The following GULP1 variants were observed in gnomAD, a reference collection of about 807,000 sequenced individuals.
The protein encoded by GULP1 is GULP PTB domain containing engulfment adaptor 1.
A neutral mutation model predicts 40.9 loss-of-function variants in GULP1; 19 were observed. The ratio of observed to expected loss-of-function variants is 0.46; its 90% CI spans 0.32 to 0.68. The LOEUF is 0.68. Among genes scored for constraint, GULP1 ranks in the 30% least tolerant of loss-of-function variants. The probability of loss-of-function intolerance (pLI) is 0.03; values close to 1 mark genes in which losing one functional copy is unlikely to be tolerated. For synonymous variants in GULP1, 119 were observed against 117.6 expected (o/e 1.01, Z -0.08); for missense variants, 312 against 362.2 (o/e 0.86, Z 1.12).
At chr2:188,561,069 T>C (rs1261007950) in intron 7 of GULP1, among the ~76,000 whole-genome samples, 1 of 152,162 alleles carries the variant, frequency 6.6e-6, no homozygotes, top group Non-Finnish European at 1.5e-5. Context: ...GCCATTTCCT[T>C]GGAGGGTTAG....
At chr2:188,320,495 A>G (rs2039804743) in intron 1 of GULP1, among the ~76,000 whole-genome samples, 1 of 152,172 alleles carries the variant, frequency 6.6e-6, no homozygotes, top group Non-Finnish European at 1.5e-5. Context: ...GTAACCTGGT[A>G]TAAGACCTTC....
intron 1 of GULP1, among the ~76,000 whole-genome samples, chr2:188,326,155 C>T (rs2040730222): frequency 6.6e-6 from 1 of 152,066 alleles, no homozygotes; most frequent in African/African-American, 2.4e-5. Context: ...GGATCAGAAC[C>T]TAGCTCACCT....
At chr2:188,539,333 A>G (rs1689823456) in intron 6 of GULP1, among the ~76,000 whole-genome samples, 1 of 152,124 alleles carries the variant, frequency 6.6e-6, no homozygotes, top group South Asian at 2.1e-4. Context: ...ACCTCCTGTC[A>G]GTATTTGGGA....
At chr2:188,460,858 G>A (rs1296374463) in intron 2 of GULP1, among the ~76,000 whole-genome samples, 1 of 152,036 alleles carries the variant, frequency 6.6e-6, no homozygotes, top group Non-Finnish European at 1.5e-5. Flanking sequence ...TTTATCGTGA[G>A]GGGATGTTGA....
At chr2:188,415,431 A>C (rs1299776298) in intron 2 of GULP1, among the ~76,000 whole-genome samples, 9 of 152,072 alleles carry the variant, frequency 5.9e-5, no homozygotes, top group African/African-American at 1.9e-4. Context: ...GTTTAATGGT[A>C]ATTCCTGGGG....
chr2:188,404,636 G>A (rs1315789105), intron 2 of GULP1, among the ~76,000 whole-genome samples: 2 of 152,110 alleles, frequency 1.3e-5, no homozygotes, highest in African/African-American at 2.4e-5. Context: ...TTGCCAAGGG[G>A]ACTTTATCTC....
At chr2:188,552,998 T>C (rs550113173) in intron 7 of GULP1, among the ~76,000 whole-genome samples, 20 of 151,930 alleles carry the variant, frequency 1.3e-4, no homozygotes, top group Non-Finnish European at 2.5e-4. Context: ...AGCTACATCA[T>C]TGGTATACAG....
At chr2:188,554,726 T>G (rs1694322387) in intron 7 of GULP1, among the ~76,000 whole-genome samples, 1 of 152,068 alleles carries the variant, frequency 6.6e-6, no homozygotes, top group Admixed American at 6.5e-5. Context: ...TATCTAGTAC[T>G]GACAATGGGG....
intron 4 of GULP1, among the ~76,000 whole-genome samples, chr2:188,516,488 T>C (rs1340811263): frequency 6.6e-6 from 1 of 152,170 alleles, no homozygotes; most frequent in Non-Finnish European, 1.5e-5. Context: ...CTCATTAATA[T>C]AACATTGAGT....
At chr2:188,317,029 C>T (rs138545451) in intron 1 of GULP1, among the ~76,000 whole-genome samples, 2 of 152,080 alleles carry the variant, frequency 1.3e-5, no homozygotes, top group South Asian at 4.1e-4. Flanking sequence ...GGGAGAGGGC[C>T]ACACCTGCAC....
chr2:188,363,362 G>A (rs1301780482), intron 1 of GULP1, among the ~76,000 whole-genome samples: 1 of 152,068 alleles, frequency 6.6e-6, no homozygotes, highest in Non-Finnish European at 1.5e-5. Context: ...ACTAGCAAAA[G>A]CAATGGCTGT....
intron 1 of GULP1, among the ~76,000 whole-genome samples, chr2:188,349,745 G>T (rs2044188443): frequency 6.6e-6 from 1 of 151,966 alleles, no homozygotes; most frequent in African/African-American, 2.4e-5. Flanking sequence ...TTATTTTATT[G>T]TTTTTCTGTT....
At position 188,494,997 on chromosome 2, in the gene GULP1, G is replaced by A. The variant is rs116809765; in HGVS notation, c.90+11505G>A. Among the ~76,000 whole-genome samples, 888 of 152,038 alleles carry A rather than the reference G, an allele frequency of 5.8e-3. 12 individuals carry two copies. The highest frequency in any genetic ancestry group is 0.021 in the African/African-American group (857 of 41,488). On this transcript the variant is annotated intron_variant, in intron 4 of 11. Coordinates refer to ENST00000409830, the MANE Select transcript of GULP1 (RefSeq NM_016315.4). ...AATCACTGACTCAAGGGTTTTTGTG[G>A]TATCCTGTGCTTAACCACCCTGTCC...
chr2:188,383,531 C>T (rs888773352), intron 1 of GULP1, among the ~76,000 whole-genome samples: 2 of 152,198 alleles, frequency 1.3e-5, no homozygotes, highest in Non-Finnish European at 2.9e-5. Flanking sequence ...TGAGTTAAAA[C>T]ATTTAACACA....
intron 1 of GULP1, among the ~76,000 whole-genome samples, chr2:188,305,547 G>C (rs891418322): frequency 2.6e-5 from 4 of 152,176 alleles, no homozygotes; most frequent in African/African-American, 9.7e-5. Flanking sequence ...GCAGGTAAAG[G>C]AAGGACAGGA....
chr2:188,468,816 T>A (rs2060343697), intron 2 of GULP1, among the ~76,000 whole-genome samples: 1 of 152,164 alleles, frequency 6.6e-6, no homozygotes, highest in Admixed American at 6.6e-5. Flanking sequence ...TTGGAAAGGA[T>A]GTTTGCAACG....
intron 2 of GULP1, among the ~76,000 whole-genome samples, chr2:188,435,961 A>G (rs113809158): frequency 2.6e-5 from 4 of 152,238 alleles, no homozygotes; most frequent in South Asian, 2.1e-4. Context: ...AGCCAGGTCT[A>G]CGCATGTTAA....
intron 1 of GULP1, among the ~76,000 whole-genome samples, chr2:188,369,269 A>C (rs900012785): frequency 3.3e-5 from 5 of 151,862 alleles, no homozygotes; most frequent in African/African-American, 1.2e-4. Context: ...CTGTAAAAAA[A>C]ATATTTTTAC....
chr2:188,378,457 G>C (rs2048583506), intron 1 of GULP1, among the ~76,000 whole-genome samples: 1 of 152,044 alleles, frequency 6.6e-6, no homozygotes, highest in South Asian at 2.1e-4. Context: ...TCTTTGTATT[G>C]CTATAAAGGA....
Sources: allele counts gnomAD v4.1 joint callset (sites outside exome capture counted in the v4.1 genomes callset), GRCh38; gene constraint gnomAD v4.1.1; transcripts MANE v1.5; gene names NCBI Gene and HGNC (gene_info 2026-07-23, HGNC 2026-07-21).